GPHN: variants seen among roughly 807,000 people sequenced by gnomAD.
GPHN encodes the protein gephyrin.
Under a neutral mutation model 95.5 loss-of-function variants are expected in GPHN, and 17 were observed. The observed-to-expected ratio is 0.18, with a 90% confidence interval of 0.12 to 0.27. The LOEUF (loss-of-function observed/expected upper bound fraction) is 0.27. Among genes scored for constraint, GPHN ranks in the 10% least tolerant of loss-of-function variants. GPHN has a pLI of 1.00. For missense variants in GPHN, 660 were observed against 978.1 expected, an observed-to-expected ratio of 0.67 and a Z score of 4.34; for synonymous variants, 320 against 322.5, an observed-to-expected ratio of 0.99 and a Z score of 0.08.
the GPHN span, among the ~76,000 whole-genome samples, chr14:67,289,355 T>C: frequency 6.6e-6 from 1 of 152,172 alleles, no homozygotes; most frequent in Non-Finnish European, 1.5e-5. Context: ...GCTATTTACA[T>C]TGTATTAAGT....
chr14:67,658,458 G>A, the GPHN span, among the ~76,000 whole-genome samples: 1 of 152,108 alleles, frequency 6.6e-6, no homozygotes, highest in Admixed American at 6.6e-5. Context: ...TTAGCCGGGC[G>A]TGGTGGTGGG....
At chr14:67,662,567 T>C in the GPHN span, 3 of 1,575,894 alleles carry the variant, frequency 1.9e-6, no homozygotes, top group Middle Eastern at 1.7e-4. Context: ...CAAATGCTTA[T>C]TACTGTTTCC....
chr14:67,479,992 T>C, the GPHN span, among the ~76,000 whole-genome samples: 62 of 152,310 alleles, frequency 4.1e-4, no homozygotes, highest in African/African-American at 1.4e-3. Context: ...TGAGACCTAA[T>C]GGACGCTGCC....
chr14:66,991,536 A>G lies in GPHN; in HGVS notation c.963+26211A>G, dbSNP rs541428419. Among the ~76,000 whole-genome samples the G allele has an allele frequency of 5.9e-5, 9 of 151,910 alleles. No homozygotes were observed. The East Asian group carries it at 1.7e-3, about 29-fold the overall frequency. ...GCACTTTGGGAAGCCTCACTGAGAA[A>G]CACTTTGTTCCGATTACCTTGTTTC... is the stretch of plus-strand genomic sequence containing the variant. On this transcript the variant is annotated intron_variant, in intron 9 of 22. Coordinates refer to ENST00000478722, the MANE Select transcript of GPHN (RefSeq NM_020806.5).
chr14:66,651,648 A>G (rs1045490985), intron 1 of GPHN, among the ~76,000 whole-genome samples: 2 of 152,142 alleles, frequency 1.3e-5, no homozygotes, highest in African/African-American at 4.8e-5. Context: ...TCAAATCTCC[A>G]TATGTTCTAG....
intron 2 of GPHN, among the ~76,000 whole-genome samples, chr14:66,724,991 G>A (rs763812659): frequency 5.3e-5 from 8 of 152,114 alleles, no homozygotes; most frequent in Non-Finnish European, 1.0e-4. Flanking sequence ...ACTGTGTCTG[G>A]TCTTTAGGAG....
chr14:67,425,195 T>G, the GPHN span, among the ~76,000 whole-genome samples: 1 of 152,224 alleles, frequency 6.6e-6, no homozygotes, highest in African/African-American at 2.4e-5. Flanking sequence ...GTGATCCTCC[T>G]GCCTCAGCTT....
intron 4 of GPHN, among the ~76,000 whole-genome samples, chr14:66,875,842 A>G (rs545762126): frequency 5.3e-5 from 8 of 152,158 alleles, no homozygotes; most frequent in Non-Finnish European, 8.8e-5. Context: ...TAGACAGATC[A>G]ACGAGACAGA....
the GPHN span, among the ~76,000 whole-genome samples, chr14:67,466,243 C>G: frequency 6.6e-6 from 1 of 152,252 alleles, no homozygotes; most frequent in African/African-American, 2.4e-5. Context: ...AAGAGCCAGA[C>G]CATATCATCT....
chr14:66,700,723 G>T (rs1185013317), intron 2 of GPHN, among the ~76,000 whole-genome samples: 1 of 152,014 alleles, frequency 6.6e-6, no homozygotes, highest in Non-Finnish European at 1.5e-5. Flanking sequence ...AAGAGATCGA[G>T]ACCATCCTGG....
intron 16 of GPHN, among the ~76,000 whole-genome samples, chr14:67,118,890 T>C (rs1034453727): frequency 1.3e-5 from 2 of 152,204 alleles, no homozygotes; most frequent in African/African-American, 4.8e-5. Flanking sequence ...TGCTGGCATA[T>C]TTTGGGGTAG....
the GPHN span, among the ~76,000 whole-genome samples, chr14:67,453,834 G>C: frequency 9.9e-5 from 15 of 152,252 alleles, no homozygotes; most frequent in African/African-American, 3.6e-4. Context: ...GACACAGTGA[G>C]CATGGCTGTG....
chr14:66,512,485 C>G lies in GPHN; in HGVS notation c.64+3894C>G, dbSNP rs1430614550. 1.3e-5 allele frequency among the ~76,000 whole-genome samples: 2 copies of G among 151,744 alleles called. 1 individual carries two copies. The highest frequency in any genetic ancestry group is 3.0e-5 in the Non-Finnish European group (2 of 67,716). ...GATGATAATCCATTACCTAAATTGTCACTAATAGGGGCATGAATGAGAAAA... is the reference window on the plus strand; with the variant it reads ...GATGATAATCCATTACCTAAATTGTGACTAATAGGGGCATGAATGAGAAAA... On this transcript the variant is annotated intron_variant, in intron 1 of 22. Coordinates refer to ENST00000478722, the MANE Select transcript of GPHN (RefSeq NM_020806.5).
the GPHN span, chr14:67,587,080 G>A: frequency 3.1e-6 from 5 of 1,603,068 alleles, no homozygotes; most frequent in East Asian, 9.0e-5. Flanking sequence ...TTAGATTGCA[G>A]AAGCTACCTT....
chr14:66,563,619 C>A (rs1487919814), intron 1 of GPHN, among the ~76,000 whole-genome samples: 1 of 152,164 alleles, frequency 6.6e-6, no homozygotes, highest in African/African-American at 2.4e-5. Flanking sequence ...ATTTTACATT[C>A]CAATTCTAAT....
intron 2 of GPHN, among the ~76,000 whole-genome samples, chr14:66,759,970 A>G (rs190182703): frequency 3.3e-4 from 50 of 152,334 alleles, no homozygotes; most frequent in South Asian, 1.7e-3. Context: ...TAAGATAATC[A>G]CAGGCCTCTG....
chr14:67,091,738 A>G (rs543209690), intron 12 of GPHN, among the ~76,000 whole-genome samples: 1 of 152,040 alleles, frequency 6.6e-6, no homozygotes, highest in East Asian at 1.9e-4. Flanking sequence ...AAAGGGAGCC[A>G]TTAGCCCTTA....
At chr14:67,333,566 A>G in the GPHN span, 1 of 152,628 alleles carries the variant, frequency 6.6e-6, no homozygotes, top group Admixed American at 6.5e-5. Flanking sequence ...AAAACAAAAA[A>G]CATTCCATTA....
intron 3 of GPHN, among the ~76,000 whole-genome samples, chr14:66,794,492 G>C (rs911109013): frequency 6.6e-6 from 1 of 152,038 alleles, no homozygotes; most frequent in Non-Finnish European, 1.5e-5. Flanking sequence ...AGCAATATGA[G>C]AATGGACAAA....
Sources: allele counts gnomAD v4.1 joint callset (sites outside exome capture counted in the v4.1 genomes callset), GRCh38; gene constraint gnomAD v4.1.1; transcripts MANE v1.5; gene names NCBI Gene and HGNC (gene_info 2026-07-23, HGNC 2026-07-21).